OTUB2: variants seen among roughly 807,000 people sequenced by gnomAD.
The protein encoded by OTUB2 is OTU deubiquitinase, ubiquitin aldehyde binding 2.
A neutral mutation model predicts 25.1 loss-of-function variants in OTUB2; 21 were observed. The ratio of observed to expected loss-of-function variants is 0.84; its 90% CI spans 0.59 to 1.21. The LOEUF (loss-of-function observed/expected upper bound fraction) is 1.21. OTUB2 is among the 50% of genes most tolerant of loss of function. The pLI is 0.00. For synonymous variants in OTUB2, 122 were observed against 122.8 expected (o/e 0.99, Z 0.04); for missense variants, 283 against 298.0 (o/e 0.95, Z 0.37).
Position 94,044,780 on chromosome 14 carries a change from C to A in OTUB2, c.498C>A (p.His166Gln), listed in dbSNP as rs201933625. Residue 166 changes from histidine (H) to glutamine (Q), a missense_variant and splice_region_variant, in exon 5 of 6, where the codon CAC (histidine) becomes CAA (glutamine). His to Gln is a conservative substitution (Grantham distance 24, BLOSUM62 0). Transcript: ENST00000203664. Reference sequence around the variant, plus strand: ...TGGACATCAAAGACTTCTGCACTCACGTAGGTGCTTGGGGTCTCAGCCCCA... The same window carrying A: ...TGGACATCAAAGACTTCTGCACTCAAGTAGGTGCTTGGGGTCTCAGCCCCA... ...EEMDIKDFCT[H>Q]EVEPMATECD... The A allele has an allele frequency of 5.6e-6, 9 of 1,609,450 alleles. No homozygotes were observed. Among genetic ancestry groups the A allele is most frequent in the Non-Finnish European group, 6.8e-6 (8 of 1,178,384 alleles).
At chr14:94,035,157 G>A (rs977175878) in intron 1 of OTUB2, among the ~76,000 whole-genome samples, 10 of 152,032 alleles carry the variant, frequency 6.6e-5, no homozygotes, top group South Asian at 2.1e-4. Flanking sequence ...AAGAAGGGTC[G>A]GTACAGAGTG....
At chr14:94,041,884 C>A (rs1885168087) in intron 3 of OTUB2, among the ~76,000 whole-genome samples, 1 of 152,132 alleles carries the variant, frequency 6.6e-6, no homozygotes, top group African/African-American at 2.4e-5. Context: ...TGGCCATAGC[C>A]CTGTCACGGA....
intron 1 of OTUB2, among the ~76,000 whole-genome samples, chr14:94,030,667 A>G (rs1317638364): frequency 6.6e-6 from 1 of 152,130 alleles, no homozygotes; most frequent in Non-Finnish European, 1.5e-5. Flanking sequence ...GGCCCCAATG[A>G]TGTCCACGTC....
chr14:94,044,440 C>G, intron 4 of OTUB2, 146 bp from the exon 5 acceptor site: 1 of 885,798 alleles, frequency 1.1e-6, no homozygotes, highest in Non-Finnish European at 1.7e-6. Flanking sequence ...TAGGCAGAAT[C>G]TCAGACTGAT....
At chr14:94,036,800 C>T (rs1414578850) in intron 1 of OTUB2, among the ~76,000 whole-genome samples, 1 of 152,154 alleles carries the variant, frequency 6.6e-6, no homozygotes, top group Non-Finnish European at 1.5e-5. Flanking sequence ...ATCTCTGACA[C>T]CTTCTCTGGC....
At chr14:94,043,872 G>A in intron 3 of OTUB2, 99 bp from the exon 4 acceptor site, 2 of 1,069,598 alleles carry the variant, frequency 1.9e-6, no homozygotes, top group Non-Finnish European at 1.4e-6. Context: ...CTAGAGATGA[G>A]GTTGGTGGGC....
chr14:94,037,048 A>G (rs1273925468), intron 1 of OTUB2, among the ~76,000 whole-genome samples: 2 of 152,210 alleles, frequency 1.3e-5, no homozygotes, highest in Admixed American at 6.5e-5. Context: ...AGAGGGATGG[A>G]AGGAGACAAA....
At chr14:94,040,155 A>C (rs1885132887) in intron 3 of OTUB2, among the ~76,000 whole-genome samples, 1 of 152,222 alleles carries the variant, frequency 6.6e-6, no homozygotes, top group South Asian at 2.1e-4. Context: ...TACTAGGTTA[A>C]GGCCATCGTC....
Position 94,037,444 on chromosome 14 carries a change from C to A in OTUB2, c.68C>A (p.Pro23His). 1 of 1,605,678 alleles carries A rather than the reference C, an allele frequency of 6.2e-7. No homozygotes were observed. Among genetic ancestry groups the A allele is most frequent in the South Asian group, 1.1e-5 (1 of 90,776 alleles). ...CDILSILRDH[P>H]ENRIYRRKIE... is the part of the protein sequence containing the mutation. ...ATTCTATCCATTCTTCGGGACCATC[C>A]TGAAAACAGGATTTACCGGAGGAAA... is the stretch of plus-strand genomic sequence containing the variant. The change falls in exon 2 of 6, where the codon CCT (proline) becomes CAT (histidine). Residue 23 changes from proline to histidine, a missense_variant. By Grantham distance (77) the Pro-to-His change is moderately conservative (BLOSUM62 -2). Transcript: ENST00000203664.
rs1469063001 is a variant in OTUB2 at position 94,046,224 on chromosome 14, G to A, written c.*302G>A. 1.4e-5 allele frequency: 7 copies of A among 491,142 alleles called. No homozygotes were observed. The highest frequency in any genetic ancestry group is 2.6e-5 in the Non-Finnish European group (7 of 271,392). The allele number at this position is 491,142 out of a possible 1,614,324, so 30.4% of individuals were successfully genotyped here. On this transcript the variant is annotated 3_prime_UTR_variant, in exon 6 of 6. Transcript: ENST00000203664. ...CTCTGGACTTGTTTCTTCAACTGGA[G>A]GAGGTCCCTGCCTATGCTGACATTC...
chr14:94,026,372 T>A lies in OTUB2; in HGVS notation c.-166T>A, dbSNP rs1393891736. ...GTGTCTTGCTGGGACACAGTGGAGG[T>A]CTAACCTTTGGTTTGCGGAGCGGTC... On this transcript the variant is annotated 5_prime_UTR_variant, in exon 1 of 6. Transcript: ENST00000203664. 6.4e-6 allele frequency: 8 copies of A among 1,247,078 alleles called. No individual in the cohort carries two copies. Among genetic ancestry groups the A allele is most frequent in the African/African-American group, 1.6e-5 (1 of 64,198 alleles). 77.3% of individuals were successfully genotyped at this position (1,247,078 alleles called of 1,614,324 possible). A position where few individuals can be genotyped will look rare whatever the true frequency, so the allele number is the denominator to read the frequency against.
chr14:94,045,833 C>G lies in OTUB2; in HGVS notation c.616C>G (p.His206Asp). Reference sequence around the variant, plus strand: ...CGAGATGGATACCGCCCTGAACCACCACGTGTTCCCTGAGGCCGCCACCCC... The same window carrying G: ...CGAGATGGATACCGCCCTGAACCACGACGTGTTCCCTGAGGCCGCCACCCC... The part of the protein sequence containing the change: ...VDEMDTALNH[H>D]VFPEAATPSV... Residue 206 changes from histidine (H) to aspartate (D), a missense_variant, in exon 6 of 6, where the codon CAC (histidine) becomes GAC (aspartate). Physicochemically the swap from His to Asp is moderately conservative, Grantham distance 81. Transcript: ENST00000203664. The G allele has an allele frequency of 6.2e-7, 1 of 1,614,238 alleles. No individual in the cohort carries two copies. The highest frequency in any genetic ancestry group is 8.5e-7 in the Non-Finnish European group (1 of 1,180,044).
chr14:94,028,266 T>C (rs1884900053), intron 1 of OTUB2, among the ~76,000 whole-genome samples: 1 of 152,196 alleles, frequency 6.6e-6, no homozygotes, highest in Admixed American at 6.5e-5. Context: ...CACATGGCAT[T>C]TATTGAGCAC....
intron 1 of OTUB2, among the ~76,000 whole-genome samples, chr14:94,027,664 C>A (rs1167954725): frequency 6.6e-6 from 1 of 152,216 alleles, no homozygotes; most frequent in Non-Finnish European, 1.5e-5. Flanking sequence ...TATGACTGGG[C>A]AGGAAAATGG....
chr14:94,033,076 T>C (rs143810685), intron 1 of OTUB2, among the ~76,000 whole-genome samples: 2 of 152,164 alleles, frequency 1.3e-5, no homozygotes, highest in Admixed American at 1.3e-4. Flanking sequence ...CACACCCGGC[T>C]CATTTTTGTA....
intron 1 of OTUB2, among the ~76,000 whole-genome samples, chr14:94,034,238 C>T (rs1471850560): frequency 6.6e-6 from 1 of 152,208 alleles, no homozygotes; most frequent in African/African-American, 2.4e-5. Flanking sequence ...CCTGTTCCAC[C>T]TGTGATGAGC....
chr14:94,040,573 G>A (rs1171830944), intron 3 of OTUB2, among the ~76,000 whole-genome samples: 1 of 152,192 alleles, frequency 6.6e-6, no homozygotes, highest in Non-Finnish European at 1.5e-5. Context: ...GGGTGATGCT[G>A]GCTAAGCCCA....
intron 3 of OTUB2, among the ~76,000 whole-genome samples, chr14:94,041,862 C>G (rs1205374167): frequency 6.6e-6 from 1 of 152,252 alleles, no homozygotes; most frequent in African/African-American, 2.4e-5. Flanking sequence ...GCTCCTTTCC[C>G]CAGTTGAACA....
In OTUB2 at chr14:94,034,556, T is replaced by A. The variant is rs992436183; in HGVS notation, c.4-2824T>A. On this transcript the variant is annotated intron_variant, in intron 1 of 5. Coordinates refer to ENST00000203664, the MANE Select transcript of OTUB2 (RefSeq NM_023112.4). Reference sequence around the variant, plus strand: ...GACCTTGTCAGTAGAATGGGTATAATACCCATCTCAGGAGGTGGTCTTGAG... The same window carrying A: ...GACCTTGTCAGTAGAATGGGTATAAAACCCATCTCAGGAGGTGGTCTTGAG... 3.9e-5 allele frequency among the ~76,000 whole-genome samples: 6 copies of A among 152,206 alleles called. No homozygotes were observed. In the South Asian group the frequency reaches 1.2e-3, roughly 31 times the overall value.
Sources: allele counts gnomAD v4.1 joint callset (sites outside exome capture counted in the v4.1 genomes callset), GRCh38; gene constraint gnomAD v4.1.1; transcripts MANE v1.5; gene names NCBI Gene and HGNC (gene_info 2026-07-23, HGNC 2026-07-21).